Variants in RFX3 observed in about 807,000 individuals in gnomAD.
RFX3 encodes regulatory factor X3.
RFX3 carries 14 observed loss-of-function variants against 98.6 expected under a neutral mutation model. That is an observed-to-expected ratio of 0.14 (90% CI 0.09 to 0.22). The LOEUF (loss-of-function observed/expected upper bound fraction) is 0.22. Ranked by LOEUF, RFX3 falls within the 10% of genes least tolerant of loss-of-function variation. The pLI, the probability that RFX3 is intolerant of heterozygous loss-of-function variation, is 1.00. For synonymous variants in RFX3, 383 were observed against 328.4 expected, an observed-to-expected ratio of 1.17 and a Z score of -1.80; for missense variants, 639 against 926.9, an observed-to-expected ratio of 0.69 and a Z score of 4.03.
In RFX3 at chr9:3,221,523, G is replaced by A. The variant is rs984557939; in HGVS notation, c.*3519C>T. 6.6e-5 allele frequency: 10 copies of A among 152,006 alleles called. No homozygotes were observed. Among genetic ancestry groups the A allele is most frequent in the South Asian group, 2.1e-4 (1 of 4,822 alleles). The allele number at this position is 152,006 out of a possible 1,614,324, so 9.4% of individuals were successfully genotyped here. ...CCATCTAAAGAGAGGTGCATAAACC[G>A]TGCTATACAGTACAAGAAAAATCAC... On this transcript the variant is annotated 3_prime_UTR_variant, in exon 17 of 17. Coordinates refer to ENST00000617270, the MANE Select transcript of RFX3 (RefSeq NM_001282116.2).
intron 1 of RFX3, among the ~76,000 whole-genome samples, chr9:3,481,024 C>T (rs1849713576): frequency 6.6e-6 from 1 of 152,102 alleles, no homozygotes; most frequent in Admixed American, 6.6e-5. Context: ...GCTAAAATTA[C>T]ATTATGTTTT....
Position 3,510,305 on chromosome 9 carries a change from G to A in RFX3, c.-9+15442C>T, listed in dbSNP as rs149916967. Among the ~76,000 whole-genome samples, 651 of 151,852 alleles carry A rather than the reference G, an allele frequency of 4.3e-3. 3 individuals carry two copies. Among genetic ancestry groups the A allele is most frequent in the African/African-American group, 0.015 (635 of 41,428 alleles). On this transcript the variant is annotated intron_variant, in intron 1 of 16. Coordinates refer to ENST00000617270, the MANE Select transcript of RFX3 (RefSeq NM_001282116.2). ...CTATGCAAACAGGGCCAGGTTATAAGATACAGATCATTTCTTGCCCCCCCC... is the reference window on the plus strand; with the variant it reads ...CTATGCAAACAGGGCCAGGTTATAAAATACAGATCATTTCTTGCCCCCCCC...
chr9:3,253,034 T>C (rs1821631757), intron 14 of RFX3, among the ~76,000 whole-genome samples: 1 of 152,218 alleles, frequency 6.6e-6, no homozygotes, highest in Non-Finnish European at 1.5e-5. Context: ...CCGTAAGAAA[T>C]GTTGTAAAAT....
At chr9:3,274,727 G>A (rs1388794091) in intron 9 of RFX3, among the ~76,000 whole-genome samples, 3 of 151,984 alleles carry the variant, frequency 2.0e-5, no homozygotes, top group Admixed American at 2.0e-4. Context: ...AAATTCAAAA[G>A]ATAAAACAGG....
chr9:3,285,044 C>G (rs1042701446), intron 7 of RFX3, among the ~76,000 whole-genome samples: 1 of 151,630 alleles, frequency 6.6e-6, no homozygotes, highest in East Asian at 1.9e-4. Flanking sequence ...CATTCTTATC[C>G]CTACAATGAC....
At chr9:3,284,821 A>T (rs1319168066) in intron 7 of RFX3, among the ~76,000 whole-genome samples, 2 of 151,648 alleles carry the variant, frequency 1.3e-5, no homozygotes, top group African/African-American at 4.8e-5. Flanking sequence ...TTATCTTTTC[A>T]ACTAACTGAA....
At chr9:3,243,622 T>C (rs1003509925) in intron 15 of RFX3, among the ~76,000 whole-genome samples, 1 of 152,204 alleles carries the variant, frequency 6.6e-6, no homozygotes, top group Admixed American at 6.5e-5. Context: ...ATGTAAGTAA[T>C]GTTAATTTTA....
At chr9:3,405,218 CA>C (rs1415660174) in intron 1 of RFX3, among the ~76,000 whole-genome samples, 3 of 151,856 alleles carry the variant, frequency 2.0e-5, no homozygotes, top group African/African-American at 4.8e-5. Flanking sequence ...AAAACCAAAA[CA>C]AACAAACAAA....
intron 1 of RFX3, among the ~76,000 whole-genome samples, chr9:3,508,248 T>C (rs1374303429): frequency 3.3e-5 from 5 of 151,978 alleles, no homozygotes; most frequent in African/African-American, 4.8e-5. Flanking sequence ...GTCTAGTATT[T>C]AGTTACTCTG....
At chr9:3,453,362 T>A (rs1458084100) in intron 1 of RFX3, among the ~76,000 whole-genome samples, 1 of 151,816 alleles carries the variant, frequency 6.6e-6, no homozygotes, top group Non-Finnish European at 1.5e-5. Flanking sequence ...TGCATAGAAA[T>A]GCCCCAAATC....
intron 15 of RFX3, among the ~76,000 whole-genome samples, chr9:3,231,859 T>C (rs1818496254): frequency 6.6e-6 from 1 of 150,798 alleles, no homozygotes; most frequent in Non-Finnish European, 1.5e-5. Flanking sequence ...AGGTCAGGAG[T>C]TCGAGATCAG....
chr9:3,515,360 GA>G (rs1818050864), intron 1 of RFX3, among the ~76,000 whole-genome samples: 1 of 152,102 alleles, frequency 6.6e-6, no homozygotes, highest in Admixed American at 6.5e-5. Flanking sequence ...AAATTAAACA[GA>G]ATGCCCGTCT....
At chr9:3,386,092 T>C (rs370252935) in intron 2 of RFX3, among the ~76,000 whole-genome samples, 49 of 152,252 alleles carry the variant, frequency 3.2e-4, no homozygotes, top group African/African-American at 1.1e-3. Flanking sequence ...CCCTGACTCA[T>C]AATCCAGTCC....
At chr9:3,318,666 T>A (rs1006521242) in intron 4 of RFX3, among the ~76,000 whole-genome samples, 1 of 152,042 alleles carries the variant, frequency 6.6e-6, no homozygotes, top group African/African-American at 2.4e-5. Context: ...TTCAAATACA[T>A]GAAATCTTTT....
intron 3 of RFX3, among the ~76,000 whole-genome samples, chr9:3,345,495 G>A (rs547048938): frequency 6.6e-6 from 1 of 152,028 alleles, no homozygotes; most frequent in Non-Finnish European, 1.5e-5. Context: ...AAAGAAAGAA[G>A]CCAGAGTCAA....
chr9:3,367,171 C>G (rs1837308487), intron 2 of RFX3, among the ~76,000 whole-genome samples: 1 of 152,156 alleles, frequency 6.6e-6, no homozygotes, highest in South Asian at 2.1e-4. Context: ...AGTAGGCCTG[C>G]TCTAGCCCAT....
intron 1 of RFX3, among the ~76,000 whole-genome samples, chr9:3,453,246 G>A (rs766923401): frequency 2.1e-4 from 32 of 152,090 alleles, no homozygotes; most frequent in Non-Finnish European, 4.0e-4. Flanking sequence ...CAACTCCCAA[G>A]TGTAAACACC....
chr9:3,434,512 A>G (rs552462172), intron 1 of RFX3, among the ~76,000 whole-genome samples: 4 of 152,118 alleles, frequency 2.6e-5, no homozygotes, highest in South Asian at 2.1e-4. Context: ...TTCTTCTACT[A>G]TGTTCCTCCA....
chr9:3,461,578 GAAT>G (rs914745940), intron 1 of RFX3, among the ~76,000 whole-genome samples: 7 of 151,866 alleles, frequency 4.6e-5, no homozygotes, highest in African/African-American at 1.4e-4. Context: ...GCTAGAAAAA[GAAT>G]TTTTTTAATT....
Sources: gnomAD v4.1 joint callset for allele counts (sites outside exome capture counted in the v4.1 genomes callset) on GRCh38, gnomAD v4.1.1 for gene constraint, MANE v1.5 for transcripts, NCBI Gene and HGNC (gene_info 2026-07-23, HGNC 2026-07-21) for gene names.